The following EIPR1 variants were observed in gnomAD, a reference collection of about 807,000 sequenced individuals.
The protein encoded by EIPR1 is EARP complex and GARP complex interacting protein 1, also known as EARP and GARP complex-interacting protein 1.
A neutral mutation model predicts 48.1 loss-of-function variants in EIPR1; 25 were observed. The ratio of observed to expected loss-of-function variants is 0.52; its 90% CI spans 0.38 to 0.73. The LOEUF (loss-of-function observed/expected upper bound fraction) is 0.73. EIPR1 is among the 30% of genes least tolerant of loss of function. EIPR1 has a pLI of 0.00. For missense variants in EIPR1, 415 were observed against 506.2 expected, an observed-to-expected ratio of 0.82 and a Z score of 1.73; for synonymous variants, 204 against 201.9, an observed-to-expected ratio of 1.01 and a Z score of -0.09.
At chr2:3,366,655 CAAAT>C (rs1157240240) in intron 1 of EIPR1, among the ~76,000 whole-genome samples, 3 of 152,008 alleles carry the variant, frequency 2.0e-5, no homozygotes, top group African/African-American at 7.3e-5. Context: ...AGAATGGAAA[CAAAT>C]AATTTAAGCA....
chr2:3,250,018 C>T (rs955495814), intron 4 of EIPR1, among the ~76,000 whole-genome samples: 4 of 152,328 alleles, frequency 2.6e-5, no homozygotes, highest in African/African-American at 9.6e-5. Context: ...GGTGGAGCCA[C>T]TGCAGAGAGA....
At chr2:3,300,483 C>A (rs1467164439) in intron 3 of EIPR1, among the ~76,000 whole-genome samples, 1 of 152,166 alleles carries the variant, frequency 6.6e-6, no homozygotes, top group Non-Finnish European at 1.5e-5. Context: ...AAAGCCTGGA[C>A]TGGGCTCCCA....
intron 2 of EIPR1, among the ~76,000 whole-genome samples, chr2:3,351,120 C>T (rs1670563897): frequency 6.6e-6 from 1 of 151,842 alleles, no homozygotes; most frequent in African/African-American, 2.4e-5. Context: ...CATGCCTCAG[C>T]CTTCCAAGTA....
At chr2:3,209,814 A>G (rs1309028978) in intron 5 of EIPR1, among the ~76,000 whole-genome samples, 1 of 152,244 alleles carries the variant, frequency 6.6e-6, no homozygotes, top group Non-Finnish European at 1.5e-5. Flanking sequence ...ACATCCTGGA[A>G]AAAGCAAAAC....
intron 5 of EIPR1, among the ~76,000 whole-genome samples, chr2:3,203,742 C>T (rs542874119): frequency 5.9e-5 from 9 of 152,220 alleles, no homozygotes; most frequent in Admixed American, 6.5e-5. Context: ...GGTCCCTCAG[C>T]GGATTAGATG....
At chr2:3,262,688 C>T (rs1421464539) in intron 3 of EIPR1, among the ~76,000 whole-genome samples, 1 of 152,184 alleles carries the variant, frequency 6.6e-6, no homozygotes, top group Non-Finnish European at 1.5e-5. Flanking sequence ...CGGTTGGAGT[C>T]ACCACGTGGT....
intron 3 of EIPR1, among the ~76,000 whole-genome samples, chr2:3,275,332 A>ACG (rs1558266886): frequency 1.3e-5 from 2 of 151,096 alleles, no homozygotes; most frequent in African/African-American, 5.0e-5. Flanking sequence ...AACACAAAAA[A>ACG]TTCTAAACTT....
intron 4 of EIPR1, among the ~76,000 whole-genome samples, chr2:3,245,589 T>C (rs562706232): frequency 6.6e-6 from 1 of 152,180 alleles, no homozygotes; most frequent in Non-Finnish European, 1.5e-5. Context: ...ATAACACAAG[T>C]TGTTCTTTTC....
rs550365325 is a variant in EIPR1 at position 3,326,446 on chromosome 2, C to T, written c.259+11571G>A. 2.0e-5 allele frequency among the ~76,000 whole-genome samples: 3 copies of T among 152,340 alleles called. No individual in the cohort carries two copies. The South Asian group carries it at 6.2e-4, about 32-fold the overall frequency. On this transcript the variant is annotated intron_variant, in intron 3 of 8. Coordinates refer to ENST00000382125, the MANE Select transcript of EIPR1 (RefSeq NM_003310.5). ...ACCGCTGCCTCCCCAGCCTCCACTG[C>T]CCTGCTCCCACCATGCCCACCTAAG...
At chr2:3,203,632 G>A (rs943090541) in intron 5 of EIPR1, among the ~76,000 whole-genome samples, 2 of 152,278 alleles carry the variant, frequency 1.3e-5, no homozygotes, top group African/African-American at 4.8e-5. Flanking sequence ...GGAGGCAGAA[G>A]AGGCCCATGG....
chr2:3,287,843 C>CCATGCTCCAGAAAGCTAATTCAG (rs1668249689), intron 3 of EIPR1, among the ~76,000 whole-genome samples: 1 of 71,460 alleles, frequency 1.4e-5, no homozygotes, highest in Non-Finnish European at 3.3e-5. Context: ...AGCTCATTCA[C>CCATGCTCCAGAAAGCTAATTCAG]CATGCTCCAG....
chr2:3,366,781 G>GC (rs1287872785), intron 1 of EIPR1, among the ~76,000 whole-genome samples: 2 of 152,184 alleles, frequency 1.3e-5, no homozygotes, highest in Non-Finnish European at 2.9e-5. Flanking sequence ...CTGGCCGGGC[G>GC]CGGTGGCTCA....
At chr2:3,314,682 A>G (rs1294782414) in intron 3 of EIPR1, among the ~76,000 whole-genome samples, 1 of 151,806 alleles carries the variant, frequency 6.6e-6, no homozygotes, top group East Asian at 1.9e-4. Context: ...GACCTTCTGA[A>G]GGACACACCT....
At chr2:3,308,575 A>G (rs185831676) in intron 3 of EIPR1, among the ~76,000 whole-genome samples, 8 of 152,350 alleles carry the variant, frequency 5.3e-5, no homozygotes, top group Admixed American at 5.2e-4. Flanking sequence ...AGAGAGGAGA[A>G]AGTGAGGTTG....
chr2:3,349,000 A>T (rs1409770964), intron 2 of EIPR1, among the ~76,000 whole-genome samples: 2 of 152,210 alleles, frequency 1.3e-5, no homozygotes, highest in Non-Finnish European at 2.9e-5. Flanking sequence ...GCTGTTCAGG[A>T]TGGAGCTGTC....
At chr2:3,195,598 TAG>T (rs1174597287) in intron 6 of EIPR1, among the ~76,000 whole-genome samples, 2 of 152,042 alleles carry the variant, frequency 1.3e-5, no homozygotes, top group African/African-American at 4.8e-5. Context: ...CAGGCAAAGG[TAG>T]AAAATTTAAA....
At chr2:3,199,564 C>T (rs950745569) in intron 5 of EIPR1, among the ~76,000 whole-genome samples, 1 of 152,218 alleles carries the variant, frequency 6.6e-6, no homozygotes, top group African/African-American at 2.4e-5. Flanking sequence ...AAGGTGGGGA[C>T]ACAAGAGACC....
At position 3,325,452 on chromosome 2, in the gene EIPR1, C is replaced by A. The variant is rs570304567; in HGVS notation, c.259+12565G>T. Among the ~76,000 whole-genome samples the A allele has an allele frequency of 3.3e-4, 50 of 152,302 alleles. 1 individual carries two copies. The East Asian group carries it at 7.9e-3, about 24-fold the overall frequency. ...GCAAAGGAAAGTCAAGACAGTGAAG[C>A]GGTGACAGGAAGCTGGGGCGGGCCA... On this transcript the variant is annotated intron_variant, in intron 3 of 8. Coordinates refer to ENST00000382125, the MANE Select transcript of EIPR1 (RefSeq NM_003310.5).
intron 2 of EIPR1, among the ~76,000 whole-genome samples, chr2:3,340,746 C>G (rs1670213981): frequency 6.6e-6 from 1 of 152,142 alleles, no homozygotes; most frequent in Admixed American, 6.5e-5. Context: ...CAAGAATTTT[C>G]ACGGCAGATA....
Sources: allele counts gnomAD v4.1 joint callset (sites outside exome capture counted in the v4.1 genomes callset), GRCh38; gene constraint gnomAD v4.1.1; transcripts MANE v1.5; gene names NCBI Gene and HGNC (gene_info 2026-07-23, HGNC 2026-07-21).